ARG2: variants seen among roughly 807,000 people sequenced by gnomAD.
ARG2 encodes arginase 2.
Under a neutral mutation model 39.4 loss-of-function variants are expected in ARG2, and 21 were observed. That is an observed-to-expected ratio of 0.53 (90% CI 0.38 to 0.77). The LOEUF is 0.77. Ranked by LOEUF, ARG2 falls within the 30% of genes least tolerant of loss-of-function variation. The pLI, the probability that ARG2 is intolerant of heterozygous loss-of-function variation, is 0.00. For synonymous variants in ARG2, 150 were observed against 156.7 expected, an observed-to-expected ratio of 0.96 and a Z score of 0.32; for missense variants, 378 against 426.2, an observed-to-expected ratio of 0.89 and a Z score of 1.00.
rs113263427 is a variant in ARG2 at position 67,646,501 on chromosome 14, A to G, written c.523-143A>G. Reference sequence around the variant, plus strand: ...CCACCTTGTGTCACTTCTCCTTCCCAGATCAAGTGTGTCCTGTGTTGCTCT... The same window carrying G: ...CCACCTTGTGTCACTTCTCCTTCCCGGATCAAGTGTGTCCTGTGTTGCTCT... On this transcript the variant is annotated intron_variant, in intron 4 of 7. Transcript: ENST00000261783. 145 of 604,822 alleles carry G rather than the reference A, an allele frequency of 2.4e-4. 1 individual carries two copies. The African/African-American group carries it at 2.6e-3, about 11-fold the overall frequency. The allele number at this position is 604,822 out of a possible 1,614,324, so 37.5% of individuals were successfully genotyped here. A position where few individuals can be genotyped will look rare whatever the true frequency, so the allele number is the denominator to read the frequency against.
intron 2 of ARG2, among the ~76,000 whole-genome samples, chr14:67,628,116 C>T (rs2036886431): frequency 6.6e-6 from 1 of 152,180 alleles, no homozygotes; most frequent in Admixed American, 6.5e-5. Flanking sequence ...TGATAAGTGG[C>T]ATCACTTTAG....
At chr14:67,649,234 T>A (rs1322396406) in intron 7 of ARG2, 1 of 152,118 alleles carries the variant, frequency 6.6e-6, no homozygotes, top group Non-Finnish European at 1.5e-5. Context: ...CAAAAGACAC[T>A]CATGGGGCTA....
chr14:67,621,008 T>C (rs778697436), intron 2 of ARG2, 42 bp downstream of exon 2: 17 of 1,576,222 alleles, frequency 1.1e-5, no homozygotes, highest in Middle Eastern at 1.7e-4. Context: ...GGACTAGTAA[T>C]AGACCACTTC....
chr14:67,646,595 G>A, intron 4 of ARG2, 49 bp from the exon 5 acceptor site: 1 of 1,444,616 alleles, frequency 6.9e-7, no homozygotes. Context: ...AATGATCTTG[G>A]TGAGAACAAG....
intron 2 of ARG2, among the ~76,000 whole-genome samples, chr14:67,628,549 TTTTAACTTAATACCTCTTA>T (rs1413201434): frequency 1.3e-5 from 2 of 152,228 alleles, no homozygotes; most frequent in Non-Finnish European, 1.5e-5. Flanking sequence ...ACAGCAAAGA[TTTTAACTTAATACCTCTTA>T]TTTAACTTAA....
chr14:67,631,177 T>C (rs1255410818), intron 2 of ARG2, among the ~76,000 whole-genome samples: 2 of 152,184 alleles, frequency 1.3e-5, no homozygotes, highest in Non-Finnish European at 1.5e-5. Flanking sequence ...TCCAGTTATT[T>C]TGTTTTTCTT....
At position 67,645,719 on chromosome 14, in the gene ARG2, G is replaced by T; in HGVS notation, c.439G>T (p.Asp147Tyr). ...LCVVWVDAHA[D>Y]INTPLTTSSG... Reference sequence around the variant, plus strand: ...TGTTGTCTGGGTTGATGCCCATGCTGACATCAACACACCCCTTACCACTTC... The same window carrying T: ...TGTTGTCTGGGTTGATGCCCATGCTTACATCAACACACCCCTTACCACTTC... Residue 147 changes from aspartate (D) to tyrosine (Y), a missense_variant, in exon 4 of 8, where the codon GAC (aspartate) becomes TAC (tyrosine). By Grantham distance (160) the Asp-to-Tyr change is radical. Transcript: ENST00000261783. 1 of 1,614,016 alleles carries T rather than the reference G, an allele frequency of 6.2e-7. No individual in the cohort carries two copies. The highest frequency in any genetic ancestry group is 8.5e-7 in the Non-Finnish European group (1 of 1,179,936).
chr14:67,625,407 G>A (rs950055450), intron 2 of ARG2, among the ~76,000 whole-genome samples: 5 of 152,076 alleles, frequency 3.3e-5, no homozygotes, highest in Admixed American at 6.6e-5. Flanking sequence ...GGCCAGGCAC[G>A]GTGGCTCACG....
chr14:67,648,053 A>G lies in ARG2; in HGVS notation c.729A>G (p.Gln243=), dbSNP rs748270121. The G allele has an allele frequency of 1.3e-5, 21 of 1,611,056 alleles. No individual in the cohort carries two copies. Among genetic ancestry groups the G allele is most frequent in the Non-Finnish European group, 1.7e-5 (20 of 1,178,386 alleles). The part of the protein sequence containing the change: ...RTFDLLIGKR[Q]RPIHLSFDID... ...TTATCCTCTTCCTTTTTAGGAGACA[A>G]AGACCAATCCATTTGAGTTTTGATA... The change falls in exon 7 of 8, where the codon CAA becomes CAG. Residue 243 remains glutamine (Q), a synonymous_variant. Coordinates refer to ENST00000261783, the MANE Select transcript of ARG2 (RefSeq NM_001172.4).
chr14:67,638,673 T>C (rs1295223628), intron 2 of ARG2, among the ~76,000 whole-genome samples: 1 of 152,248 alleles, frequency 6.6e-6, no homozygotes, highest in East Asian at 1.9e-4. Context: ...AAAACAGAGT[T>C]GGGAGCAGGA....
chr14:67,651,281 G>A lies in ARG2; in HGVS notation c.*361G>A. ...CAGCCTGGCTATACAGTGCATCCTT[G>A]AACTGTCAGCCCACAGCAGCAATAT... is the stretch of plus-strand genomic sequence containing the variant. On this transcript the variant is annotated 3_prime_UTR_variant, in exon 8 of 8. Coordinates refer to ENST00000261783, the MANE Select transcript of ARG2 (RefSeq NM_001172.4). 2 of 1,596,068 alleles carry A rather than the reference G, an allele frequency of 1.3e-6. No individual in the cohort carries two copies. Among genetic ancestry groups the A allele is most frequent in the South Asian group, 2.3e-5 (2 of 88,778 alleles).
At position 67,649,090 on chromosome 14, in the gene ARG2, T is replaced by A. The variant is rs535697302; in HGVS notation, c.859+907T>A. ...GATGTTGCCAGTGGTCCTTAGGTTATTGGCCAGAGAACTTGGGGGTTCAAT... is the reference window on the plus strand; with the variant it reads ...GATGTTGCCAGTGGTCCTTAGGTTAATGGCCAGAGAACTTGGGGGTTCAAT... On this transcript the variant is annotated intron_variant, in intron 7 of 7. Coordinates refer to ENST00000261783, the MANE Select transcript of ARG2 (RefSeq NM_001172.4). 3 of 152,344 alleles carry A rather than the reference T, an allele frequency of 2.0e-5. No individual in the cohort carries two copies. The East Asian group carries it at 5.8e-4, about 29-fold the overall frequency. 9.4% of individuals were successfully genotyped at this position (152,344 alleles called of 1,614,324 possible). A position where few individuals can be genotyped will look rare whatever the true frequency, so the allele number is the denominator to read the frequency against.
At chr14:67,623,964 T>C (rs1044285661) in intron 2 of ARG2, among the ~76,000 whole-genome samples, 1 of 152,114 alleles carries the variant, frequency 6.6e-6, no homozygotes, top group Non-Finnish European at 1.5e-5. Context: ...CTTTAGCCTC[T>C]TGAGTAGCTG....
At chr14:67,631,434 C>CTTTT (rs1319430069) in intron 2 of ARG2, among the ~76,000 whole-genome samples, 258 of 113,040 alleles carry the variant, frequency 2.3e-3, no homozygotes, top group Non-Finnish European at 3.0e-3. Flanking sequence ...TTCTTTCTTT[C>CTTTT]TTTTTTTTTT....
chr14:67,622,123 GTTC>G (rs2036816913), intron 2 of ARG2, among the ~76,000 whole-genome samples: 1 of 152,052 alleles, frequency 6.6e-6, no homozygotes, highest in South Asian at 2.1e-4. Flanking sequence ...TGGCAGGAAG[GTTC>G]TTCTTTATAT....
chr14:67,651,565 G>A lies in ARG2; in HGVS notation c.*645G>A, dbSNP rs1031982219. 6.8e-6 allele frequency: 10 copies of A among 1,462,906 alleles called. No individual in the cohort carries two copies. Among genetic ancestry groups the A allele is most frequent in the Admixed American group, 4.1e-5 (2 of 49,332 alleles). The allele number at this position is 1,462,906 out of a possible 1,614,324, so 90.6% of individuals were successfully genotyped here. A position where few individuals can be genotyped will look rare whatever the true frequency, so the allele number is the denominator to read the frequency against. ...ATTTTGGGGTTAGACCTGGGACCAC[G>A]GCTGGATACTCTGAGGCTGTATGTT... On this transcript the variant is annotated 3_prime_UTR_variant, in exon 8 of 8. Transcript: ENST00000261783.
At chr14:67,650,369 G>C in intron 7 of ARG2, 1 of 307,572 alleles carries the variant, frequency 3.3e-6, no homozygotes, top group Non-Finnish European at 6.2e-6. Flanking sequence ...TACTGGAGGT[G>C]GCATACATTT....
At chr14:67,623,669 G>C (rs556794549) in intron 2 of ARG2, among the ~76,000 whole-genome samples, 2 of 149,086 alleles carry the variant, frequency 1.3e-5, no homozygotes, top group Admixed American at 1.4e-4. Context: ...AACCTCCAAA[G>C]TAGCTGGGAT....
chr14:67,646,863 C>A, intron 5 of ARG2, 58 bp from the exon 6 acceptor site: 1 of 1,398,840 alleles, frequency 7.1e-7, no homozygotes, highest in Non-Finnish European at 1.0e-6. Context: ...CCCCCAAATA[C>A]ATATTTGTTA....
Sources: gnomAD v4.1 joint callset for allele counts (sites outside exome capture counted in the v4.1 genomes callset) on GRCh38, gnomAD v4.1.1 for gene constraint, MANE v1.5 for transcripts, NCBI Gene and HGNC (gene_info 2026-07-23, HGNC 2026-07-21) for gene names.